C4orf50: variants seen among roughly 807,000 people sequenced by gnomAD.
C4orf50 encodes the protein chromosome 4 open reading frame 50, also known as uncharacterized protein C4orf50.
In C4orf50, 80 loss-of-function variants were observed where a neutral mutation model predicts 77.2. The ratio of observed to expected loss-of-function variants is 1.04; its 90% CI spans 0.87 to 1.25. The LOEUF (loss-of-function observed/expected upper bound fraction) is 1.25, where lower values mean the gene tolerates loss of function less well. C4orf50 is among the 50% of genes most tolerant of loss of function. The pLI is 0.00. For missense variants in C4orf50, 1,257 were observed against 1,152.9 expected, an observed-to-expected ratio of 1.09 and a Z score of -1.31; for synonymous variants, 532 against 465.3, an observed-to-expected ratio of 1.14 and a Z score of -1.84.
At chr4:5,994,123 G>A (rs947429431) in intron 26 of C4orf50, among the ~76,000 whole-genome samples, 4 of 152,290 alleles carry the variant, frequency 2.6e-5, no homozygotes, top group South Asian at 2.1e-4. Flanking sequence ...AGCTGAGCCC[G>A]AGCCAAAGGC....
At chr4:5,941,145 T>A (rs949902999) in intron 7 of C4orf50, among the ~76,000 whole-genome samples, 14 of 152,246 alleles carry the variant, frequency 9.2e-5, no homozygotes, top group Admixed American at 9.2e-4. Context: ...TTCTAATTAA[T>A]AAAATGTTCT....
chr4:5,954,588 G>A (rs138840399), downstream of C4orf50, among the ~76,000 whole-genome samples: 106 of 152,244 alleles, frequency 7.0e-4, no homozygotes, highest in Non-Finnish European at 1.4e-3. This position sits in a 1 kb window ranked among gnomAD's most constrained non-coding sequence, Gnocchi z 4.7. Context: ...AGGCCTCCAC[G>A]GCAGGCAGCG....
intron 32 of C4orf50, among the ~76,000 whole-genome samples, chr4:5,966,408 G>A (rs1429061378): frequency 6.6e-6 from 1 of 151,786 alleles, no homozygotes; most frequent in African/African-American, 2.4e-5. Flanking sequence ...TGAGGAGACG[G>A]AGGTTGCAGT....
chr4:5,920,027 T>G (rs937409234), intron 7 of C4orf50, among the ~76,000 whole-genome samples: 9 of 152,220 alleles, frequency 5.9e-5, no homozygotes, highest in African/African-American at 2.2e-4. Context: ...TTAGGTATTA[T>G]AGTAATTATA....
intron 7 of C4orf50, among the ~76,000 whole-genome samples, chr4:5,945,446 G>A (rs779932280): frequency 2.0e-5 from 3 of 152,222 alleles, no homozygotes; most frequent in Non-Finnish European, 4.4e-5. Context: ...CAGCACCCGG[G>A]AGAGGGGAAA....
chr4:5,948,489 AC>A (rs1325227350), intron 7 of C4orf50, among the ~76,000 whole-genome samples: 2 of 152,016 alleles, frequency 1.3e-5, no homozygotes, highest in African/African-American at 4.8e-5. Context: ...ACATGGTGAA[AC>A]CCCGCTTCTA....
chr4:5,972,894 G>A (rs1720016176), intron 31 of C4orf50, among the ~76,000 whole-genome samples: 1 of 152,232 alleles, frequency 6.6e-6, no homozygotes, highest in Admixed American at 6.5e-5. Context: ...AGTCAGGAGA[G>A]CTGGCATTTG....
chr4:5,963,006 T>C (rs1224223194), intron 33 of C4orf50, among the ~76,000 whole-genome samples: 1 of 17,640 alleles, frequency 5.7e-5, no homozygotes, highest in East Asian at 2.7e-4. Context: ...TTTTCTTTTT[T>C]TTTTTTTTTT....
Position 5,907,557 on chromosome 4 carries a change from G to A in C4orf50, c.*2475-9369C>T, listed in dbSNP as rs528969456. On this transcript the variant is annotated intron_variant, in intron 7 of 7. Transcript: ENST00000324058. ...AGAATAACTGATGATCTCTACAGGC[G>A]AGCTAAACAGTAGACTAGACACAAA... is the stretch of plus-strand genomic sequence containing the variant. Among the ~76,000 whole-genome samples the A allele has an allele frequency of 1.6e-4, 24 of 152,206 alleles. No homozygotes were observed. The South Asian group carries it at 4.1e-3, about 26-fold the overall frequency.
intron 7 of C4orf50, among the ~76,000 whole-genome samples, chr4:5,921,244 C>G (rs866066606): frequency 6.6e-6 from 1 of 152,184 alleles, no homozygotes; most frequent in African/African-American, 2.4e-5. Context: ...CTCCTGGGCT[C>G]CCTGACAGAC....
intron 7 of C4orf50, among the ~76,000 whole-genome samples, chr4:5,910,813 G>A (rs1716770505): frequency 6.6e-6 from 1 of 152,104 alleles, no homozygotes; most frequent in African/African-American, 2.4e-5. Context: ...GTGGAGTGGG[G>A]GGGATACCTC....
At chr4:5,903,054 G>A (rs1357164318) in intron 7 of C4orf50, 3 of 152,162 alleles carry the variant, frequency 2.0e-5, no homozygotes, top group African/African-American at 4.8e-5. Flanking sequence ...CTGAGCAGAC[G>A]AGGTGTCACC....
chr4:5,929,721 C>T (rs1158658687), intron 7 of C4orf50, among the ~76,000 whole-genome samples: 1 of 152,192 alleles, frequency 6.6e-6, no homozygotes, highest in Non-Finnish European at 1.5e-5. Context: ...GAGCGCTAGC[C>T]CTAAAAGGCA....
Position 5,965,214 on chromosome 4 carries a change from C to G in C4orf50, c.4154-69G>C, listed in dbSNP as rs1217543084. Reference sequence around the variant, plus strand: ...GGTGAAAAGTCTACAAGTGTCTGAGCCTTGTCATAACCTTCTTCACTCTCT... The same window carrying G: ...GGTGAAAAGTCTACAAGTGTCTGAGGCTTGTCATAACCTTCTTCACTCTCT... On this transcript the variant is annotated intron_variant, in intron 32 of 33. Coordinates refer to ENST00000531445, the Ensembl canonical transcript of C4orf50. The G allele has an allele frequency of 2.6e-6, 4 of 1,512,978 alleles. No homozygotes were observed. In the East Asian group the frequency reaches 6.8e-5, roughly 26 times the overall value. The allele number at this position is 1,512,978 out of a possible 1,614,324, so 93.7% of individuals were successfully genotyped here. A position where few individuals can be genotyped will look rare whatever the true frequency, so the allele number is the denominator to read the frequency against.
chr4:5,970,602 G>A lies in C4orf50; in HGVS notation c.4104+3057C>T, dbSNP rs576034705. Reference sequence around the variant, plus strand: ...ACCACATGCCTGCAGAAAGGGCACTGGGGCCAAACCGACTCTGAGGCTCAA... The same window carrying A: ...ACCACATGCCTGCAGAAAGGGCACTAGGGCCAAACCGACTCTGAGGCTCAA... On this transcript the variant is annotated intron_variant, in intron 31 of 33. Coordinates refer to ENST00000531445, the Ensembl canonical transcript of C4orf50. This position sits in a 1 kb window ranked among gnomAD's most constrained non-coding sequence, Gnocchi z 4.3. Among the ~76,000 whole-genome samples, 1 of 152,326 alleles carries A rather than the reference G, an allele frequency of 6.6e-6. No homozygotes were observed. Among genetic ancestry groups the A allele is most frequent in the South Asian group, 2.1e-4 (1 of 4,828 alleles).
At chr4:5,963,826 A>T (rs1719401404) in intron 33 of C4orf50, among the ~76,000 whole-genome samples, 1 of 152,182 alleles carries the variant, frequency 6.6e-6, no homozygotes, top group Non-Finnish European at 1.5e-5. Context: ...GCTGACAGTT[A>T]CGTGCAGGCA....
intron 25 of C4orf50, among the ~76,000 whole-genome samples, chr4:6,005,303 G>A (rs920904976): frequency 2.6e-5 from 4 of 152,212 alleles, no homozygotes; most frequent in African/African-American, 9.7e-5. Flanking sequence ...AGAGAAGTGT[G>A]ACTGTGCAGG....
At chr4:5,986,930 C>T (rs1404715376) in intron 28 of C4orf50, among the ~76,000 whole-genome samples, 1 of 152,164 alleles carries the variant, frequency 6.6e-6, no homozygotes, top group Non-Finnish European at 1.5e-5. Context: ...TTCCTTACCT[C>T]TAATCCTTAG....
At position 5,944,727 on chromosome 4, in the gene C4orf50, G is replaced by A. The variant is rs116420069; in HGVS notation, c.*2474+12174C>T. Among the ~76,000 whole-genome samples the A allele has an allele frequency of 6.9e-3, 1,047 of 152,226 alleles. 9 individuals are homozygous for A. Among genetic ancestry groups the A allele is most frequent in the African/African-American group, 0.024 (999 of 41,522 alleles). The stretch of plus-strand genomic sequence containing the variant: ...GGAGCAGGCAGCCTGCTGGGAGACA[G>A]GCAGGGACAAGGAAACAGAAGAGGG... On this transcript the variant is annotated intron_variant, in intron 7 of 7. Transcript: ENST00000324058.
Sources: allele counts gnomAD v4.1 joint callset (sites outside exome capture counted in the v4.1 genomes callset), GRCh38; gene constraint gnomAD v4.1.1; non-coding constraint Gnocchi (gnomAD v3.1); transcripts MANE v1.5; gene names NCBI Gene and HGNC (gene_info 2026-07-23, HGNC 2026-07-21).